ZNF618: variants seen among roughly 807,000 people sequenced by gnomAD.
ZNF618 encodes zinc finger protein 618, also known as neural precursor cell expressed, developmentally down-regulated 10.
ZNF618 carries 34 observed loss-of-function variants against 103.0 expected under a neutral mutation model. That is an observed-to-expected ratio of 0.33 (90% CI 0.25 to 0.44). The LOEUF (loss-of-function observed/expected upper bound fraction) is 0.44. Ranked by LOEUF, ZNF618 falls within the 20% of genes least tolerant of loss-of-function variation. The pLI is 1.00. For missense variants in ZNF618, 1,059 were observed against 1,295.4 expected (o/e 0.82, Z 2.80); for synonymous variants, 551 against 542.2 (o/e 1.02, Z -0.23).
intron 14 of ZNF618, 33 bp downstream of exon 14, chr9:114,048,027 G>A (rs1845810345): frequency 6.5e-7 from 1 of 1,532,088 alleles, no homozygotes. Flanking sequence ...GGACCTGAGG[G>A]TCCCCTTATG....
chr9:113,878,870 T>C (rs1828216820), intron 1 of ZNF618, among the ~76,000 whole-genome samples: 2 of 152,212 alleles, frequency 1.3e-5, no homozygotes, highest in African/African-American at 4.8e-5. Context: ...AAATATATTA[T>C]CTCTGTGAAA....
At chr9:113,929,460 G>C (rs1407146613) in intron 1 of ZNF618, among the ~76,000 whole-genome samples, 1 of 152,178 alleles carries the variant, frequency 6.6e-6, no homozygotes, top group Non-Finnish European at 1.5e-5. Flanking sequence ...TGACTTCCAA[G>C]CTCTGTACAT....
At chr9:114,048,617 A>C in intron 14 of ZNF618, 34 bp from the exon 15 acceptor site, 2 of 1,582,186 alleles carry the variant, frequency 1.3e-6, no homozygotes, top group Non-Finnish European at 1.7e-6. Flanking sequence ...TGAATGCCAG[A>C]ATTAATCCCA....
intron 1 of ZNF618, among the ~76,000 whole-genome samples, chr9:113,932,681 A>G (rs182258187): frequency 6.6e-6 from 1 of 152,122 alleles, no homozygotes; most frequent in Non-Finnish European, 1.5e-5. Context: ...GGCTAACCCC[A>G]GTCTAGGTAT....
chr9:114,052,313 CAAACT>C lies in ZNF618; in HGVS notation c.*2147_*2151del. ...TGGGCCATTTCCACATTTGCTCCAG[CAAACT>C]GTGGTCTCAGGAACTACCATGCCAT... On this transcript the variant is annotated 3_prime_UTR_variant, in exon 15 of 15. Transcript: ENST00000374126. 1 of 152,636 alleles carries C rather than the reference CAAACT, an allele frequency of 6.6e-6. No individual in the cohort carries two copies. Among genetic ancestry groups the C allele is most frequent in the East Asian group, 1.9e-4 (1 of 5,196 alleles). 9.5% of individuals were successfully genotyped at this position (152,636 alleles called of 1,614,324 possible).
chr9:113,931,564 G>A (rs1833590500), intron 1 of ZNF618, among the ~76,000 whole-genome samples: 1 of 152,178 alleles, frequency 6.6e-6, no homozygotes. Context: ...AGGTTTAGGT[G>A]TGGGAAGGAC....
intron 1 of ZNF618, among the ~76,000 whole-genome samples, chr9:113,912,878 C>T (rs548408670): frequency 6.6e-6 from 1 of 152,234 alleles, no homozygotes. Context: ...GCAACAGTTA[C>T]GAGGATTTTC....
intron 1 of ZNF618, among the ~76,000 whole-genome samples, chr9:113,933,696 T>G (rs544076113): frequency 6.6e-6 from 1 of 152,256 alleles, no homozygotes; most frequent in Non-Finnish European, 1.5e-5. Context: ...CATGGTTTTG[T>G]GTGTTCTTCC....
intron 1 of ZNF618, among the ~76,000 whole-genome samples, chr9:113,947,767 C>G (rs1171607315): frequency 6.6e-6 from 1 of 152,178 alleles, no homozygotes; most frequent in Non-Finnish European, 1.5e-5. Context: ...GTGAAAGCAG[C>G]CAATAAGAGT....
chr9:114,006,225 C>T (rs1216032408), intron 6 of ZNF618, among the ~76,000 whole-genome samples: 1 of 152,198 alleles, frequency 6.6e-6, no homozygotes, highest in Non-Finnish European at 1.5e-5. Context: ...AGGAGGGGGA[C>T]CAGGAGAGAG....
intron 13 of ZNF618, 72 bp from the exon 14 acceptor site, chr9:114,047,821 C>A: frequency 7.5e-7 from 1 of 1,339,286 alleles, no homozygotes; most frequent in South Asian, 1.3e-5. Context: ...CCACCACACT[C>A]TAGTTCTCAT....
intron 1 of ZNF618, among the ~76,000 whole-genome samples, chr9:113,906,069 C>G (rs996851872): frequency 6.6e-6 from 1 of 152,150 alleles, no homozygotes; most frequent in Non-Finnish European, 1.5e-5. Flanking sequence ...CCTTCTTACT[C>G]CGTCATGACT....
chr9:114,038,006 C>T (rs759628666), intron 13 of ZNF618, among the ~76,000 whole-genome samples: 1 of 152,186 alleles, frequency 6.6e-6, no homozygotes, highest in African/African-American at 2.4e-5. Flanking sequence ...CCACGCTTCC[C>T]GCCCCCTGCT....
intron 10 of ZNF618, chr9:114,028,423 G>T: frequency 2.8e-6 from 1 of 355,728 alleles, no homozygotes; most frequent in Non-Finnish European, 5.1e-6. Flanking sequence ...GATGCACTTG[G>T]GCCTGGGTTA....
At chr9:113,891,246 G>A (rs1829591933) in intron 1 of ZNF618, among the ~76,000 whole-genome samples, 1 of 152,158 alleles carries the variant, frequency 6.6e-6, no homozygotes, top group South Asian at 2.1e-4. Context: ...CAAATCATAT[G>A]TATTTGGTAA....
chr9:114,004,413 T>G (rs1254485495), intron 6 of ZNF618, among the ~76,000 whole-genome samples: 1 of 152,228 alleles, frequency 6.6e-6, no homozygotes, highest in African/African-American at 2.4e-5. Flanking sequence ...TCCCATGGAC[T>G]GGCTGCGGTC....
chr9:113,993,048 T>A (rs1840226320), intron 3 of ZNF618, among the ~76,000 whole-genome samples: 2 of 152,098 alleles, frequency 1.3e-5, no homozygotes, highest in Non-Finnish European at 1.5e-5. Flanking sequence ...ACTTAATAAC[T>A]TTGCTGGATA....
intron 6 of ZNF618, among the ~76,000 whole-genome samples, chr9:114,006,058 G>A (rs116144641): frequency 0.018 from 2,732 of 152,332 alleles, 80 homozygotes; most frequent in African/African-American, 0.063. Context: ...CAGAGAATAC[G>A]AAGAGGTGAA....
At chr9:113,911,090 T>C (rs917611969) in intron 1 of ZNF618, among the ~76,000 whole-genome samples, 1 of 152,212 alleles carries the variant, frequency 6.6e-6, no homozygotes, top group Non-Finnish European at 1.5e-5. Flanking sequence ...TGCCTTGGCC[T>C]TCCAAAGTGC....
Sources: allele counts gnomAD v4.1 joint callset (sites outside exome capture counted in the v4.1 genomes callset), GRCh38; gene constraint gnomAD v4.1.1; transcripts MANE v1.5; gene names NCBI Gene and HGNC (gene_info 2026-07-23, HGNC 2026-07-21).